Variants in GPC6 observed in about 807,000 individuals in gnomAD.
GPC6 encodes the protein glypican 6, also known as glypican-6.
In GPC6, 14 loss-of-function variants were observed where a neutral mutation model predicts 55.2. That is an observed-to-expected ratio of 0.25 (90% confidence interval 0.17 to 0.40). The LOEUF (loss-of-function observed/expected upper bound fraction) is 0.40, where lower values mean the gene tolerates loss of function less well. Among genes scored for constraint, GPC6 ranks in the 10% least tolerant of loss-of-function variants. The pLI is 1.00. For synonymous variants in GPC6, 278 were observed against 259.6 expected, an observed-to-expected ratio of 1.07 and a Z score of -0.68; for missense variants, 641 against 708.5, an observed-to-expected ratio of 0.90 and a Z score of 1.08.
At chr13:93,562,130 A>G (rs1875844369) in intron 2 of GPC6, among the ~76,000 whole-genome samples, 1 of 152,006 alleles carries the variant, frequency 6.6e-6, no homozygotes, top group South Asian at 2.1e-4. Flanking sequence ...CTGCTAAGCC[A>G]TAGTTTGTGA....
chr13:93,694,564 T>A (rs1024902620), intron 2 of GPC6, among the ~76,000 whole-genome samples: 15 of 152,144 alleles, frequency 9.9e-5, no homozygotes, highest in African/African-American at 3.6e-4. Flanking sequence ...GCTCACAAAA[T>A]GCCTTACCCT....
intron 1 of GPC6, among the ~76,000 whole-genome samples, chr13:93,540,737 G>A (rs890953936): frequency 7.2e-5 from 11 of 151,952 alleles, no homozygotes; most frequent in East Asian, 1.9e-4. Flanking sequence ...ATATATTATC[G>A]TTAACTATAG....
intron 3 of GPC6, among the ~76,000 whole-genome samples, chr13:93,923,255 C>G (rs982485505): frequency 6.6e-6 from 1 of 152,190 alleles, no homozygotes; most frequent in Non-Finnish European, 1.5e-5. Flanking sequence ...TAATACTCTC[C>G]TAAGGGGTAG....
chr13:94,142,694 G>C (rs1029941056), intron 4 of GPC6, among the ~76,000 whole-genome samples: 13 of 151,826 alleles, frequency 8.6e-5, no homozygotes, highest in Admixed American at 8.5e-4. Context: ...TTAGCTTACA[G>C]AATATTATCT....
intron 1 of GPC6, among the ~76,000 whole-genome samples, chr13:93,380,833 A>G (rs1875135384): frequency 6.6e-6 from 1 of 152,112 alleles, no homozygotes; most frequent in African/African-American, 2.4e-5. Context: ...AAGACACCCC[A>G]TGCAATATTG....
rs572468510 is a variant in GPC6 at position 93,920,104 on chromosome 13, T to G, written c.711+89559T>G. On this transcript the variant is annotated intron_variant, in intron 3 of 8. Transcript: ENST00000377047. ...TACTCATCAACCCACCGACCTTCCC[T>G]TAGCCTTTGTCCTCCTTGACCCTTC... 1.1e-4 allele frequency among the ~76,000 whole-genome samples: 17 copies of G among 152,300 alleles called. No individual in the cohort carries two copies. The South Asian group carries it at 3.1e-3, about 28-fold the overall frequency.
At chr13:93,835,153 T>C (rs1470692959) in intron 3 of GPC6, among the ~76,000 whole-genome samples, 1 of 152,202 alleles carries the variant, frequency 6.6e-6, no homozygotes, top group Admixed American at 6.5e-5. Flanking sequence ...TAAGAAGACA[T>C]GACTTTAAAG....
chr13:93,846,092 CCT>C (rs1384734070), intron 3 of GPC6, among the ~76,000 whole-genome samples: 2 of 151,972 alleles, frequency 1.3e-5, no homozygotes, highest in East Asian at 3.9e-4. Context: ...CCATTAATGC[CCT>C]CAAAAACATC....
At chr13:93,487,138 C>G (rs1879751056) in intron 1 of GPC6, among the ~76,000 whole-genome samples, 1 of 152,152 alleles carries the variant, frequency 6.6e-6, no homozygotes, top group Non-Finnish European at 1.5e-5. Context: ...TGTTAAATAT[C>G]TTGACTGTCA....
chr13:93,265,689 A>G (rs577694245), intron 1 of GPC6, among the ~76,000 whole-genome samples: 2 of 152,336 alleles, frequency 1.3e-5, no homozygotes, highest in East Asian at 3.9e-4. Flanking sequence ...GTGTATGTGT[A>G]TATGTCTATT....
intron 2 of GPC6, among the ~76,000 whole-genome samples, chr13:93,611,259 A>C (rs1407608803): frequency 6.6e-6 from 1 of 152,152 alleles, no homozygotes; most frequent in Non-Finnish European, 1.5e-5. Context: ...TTGACTTCTT[A>C]TTGGAGATTG....
At chr13:93,378,776 A>T (rs1875031675) in intron 1 of GPC6, among the ~76,000 whole-genome samples, 1 of 152,046 alleles carries the variant, frequency 6.6e-6, no homozygotes, top group South Asian at 2.1e-4. Context: ...CGGGTGGATC[A>T]TCTGAGGTCA....
chr13:93,368,224 T>C (rs1881317427), intron 1 of GPC6, among the ~76,000 whole-genome samples: 1 of 151,878 alleles, frequency 6.6e-6, no homozygotes, highest in Non-Finnish European at 1.5e-5. Context: ...TTCTATCTAA[T>C]ATTAAAACTC....
chr13:94,261,449 G>A (rs940061912), intron 4 of GPC6, among the ~76,000 whole-genome samples: 2 of 152,126 alleles, frequency 1.3e-5, no homozygotes, highest in African/African-American at 2.4e-5. Flanking sequence ...GACATTTGAG[G>A]GGGACTGTCT....
chr13:93,895,124 A>G (rs1464510383), intron 3 of GPC6, among the ~76,000 whole-genome samples: 1 of 149,638 alleles, frequency 6.7e-6, no homozygotes, highest in African/African-American at 2.5e-5. Flanking sequence ...CTCTAAGTCC[A>G]TATATGTCTA....
chr13:93,233,353 A>T (rs958417258), intron 1 of GPC6, among the ~76,000 whole-genome samples: 1 of 143,146 alleles, frequency 7.0e-6, no homozygotes, highest in African/African-American at 2.7e-5. Flanking sequence ...CCAAAAAAAA[A>T]AAAATCAAAA....
chr13:93,901,666 G>A (rs1351426174), intron 3 of GPC6, among the ~76,000 whole-genome samples: 1 of 151,982 alleles, frequency 6.6e-6, no homozygotes, highest in Non-Finnish European at 1.5e-5. Flanking sequence ...ACTTTGGAAG[G>A]CAGAGGTAGG....
intron 2 of GPC6, among the ~76,000 whole-genome samples, chr13:93,616,620 G>T (rs1878734371): frequency 6.6e-6 from 1 of 151,982 alleles, no homozygotes; most frequent in Non-Finnish European, 1.5e-5. Flanking sequence ...ATGTTAGAAG[G>T]TCCCTTACAA....
chr13:93,594,761 G>C (rs554446552), intron 2 of GPC6, among the ~76,000 whole-genome samples: 2 of 151,844 alleles, frequency 1.3e-5, no homozygotes, highest in East Asian at 3.9e-4. Flanking sequence ...TTCAGTGTCT[G>C]CTTAATATGC....
Sources: allele counts gnomAD v4.1 joint callset (sites outside exome capture counted in the v4.1 genomes callset), GRCh38; gene constraint gnomAD v4.1.1; transcripts MANE v1.5; gene names NCBI Gene and HGNC (gene_info 2026-07-23, HGNC 2026-07-21).